Variants in LRP1B observed in about 807,000 individuals in gnomAD.
LRP1B encodes LDL receptor related protein 1B, also known as low-density lipoprotein receptor-related protein 1B.
Under a neutral mutation model 556.6 loss-of-function variants are expected in LRP1B, and 217 were observed. The ratio of observed to expected loss-of-function variants is 0.39; its 90% confidence interval spans 0.35 to 0.44. LRP1B has a LOEUF of 0.44. LRP1B is among the 20% of genes least tolerant of loss of function. The pLI is 1.00. For synonymous variants in LRP1B, 2,047 were observed against 1,865.8 expected (o/e 1.10, Z -2.50); for missense variants, 5,053 against 5,620.8 (o/e 0.90, Z 3.23).
At position 141,058,791 on chromosome 2, in the gene LRP1B, A is replaced by T. The variant is rs1348030835; in HGVS notation, c.1408+92T>A. The T allele has an allele frequency of 9.9e-6, 10 of 1,005,142 alleles. No homozygotes were observed. In the Admixed American group the frequency reaches 3.1e-4, roughly 31 times the overall value. 62.3% of individuals were successfully genotyped at this position (1,005,142 alleles called of 1,614,324 possible). A position where few individuals can be genotyped will look rare whatever the true frequency, so the allele number is the denominator to read the frequency against. ...TTGCTGTCAAAGCAGAGAATTTATG[A>T]CTCACTCACTTCAACACCATACAAA... is the stretch of plus-strand genomic sequence containing the variant. On this transcript the variant is annotated intron_variant, in intron 9 of 90. Transcript: ENST00000389484.
chr2:141,033,666 G>A (rs540923620), intron 11 of LRP1B, among the ~76,000 whole-genome samples: 78 of 152,132 alleles, frequency 5.1e-4, no homozygotes, highest in African/African-American at 1.5e-3. Flanking sequence ...GATGGAATTA[G>A]TGTCCTTCTA....
intron 2 of LRP1B, among the ~76,000 whole-genome samples, chr2:141,521,517 AT>A (rs147401022): frequency 8.6e-5 from 13 of 151,180 alleles, no homozygotes; most frequent in African/African-American, 2.7e-4. Context: ...CTTGGAAGTA[AT>A]TTTTTTTATT....
At chr2:140,410,577 T>A (rs2105246221) in intron 66 of LRP1B, among the ~76,000 whole-genome samples, 1 of 152,252 alleles carries the variant, frequency 6.6e-6, no homozygotes, top group East Asian at 1.9e-4. Context: ...TGAGCTGAAT[T>A]TAATATGAGA....
intron 2 of LRP1B, among the ~76,000 whole-genome samples, chr2:141,538,634 AC>A (rs1685142355): frequency 7.0e-6 from 1 of 142,362 alleles, no homozygotes; most frequent in Admixed American, 7.2e-5. Context: ...CCTGAAAAAA[AC>A]TTCTTTTTTT....
At chr2:141,361,379 G>C (rs1688820908) in intron 3 of LRP1B, among the ~76,000 whole-genome samples, 1 of 151,874 alleles carries the variant, frequency 6.6e-6, no homozygotes, top group African/African-American at 2.4e-5. Context: ...GTTCCTTATT[G>C]TTTCTTGCTT....
intron 52 of LRP1B, among the ~76,000 whole-genome samples, chr2:140,508,802 A>G (rs1462648500): frequency 6.6e-6 from 1 of 152,178 alleles, no homozygotes; most frequent in African/African-American, 2.4e-5. Flanking sequence ...CTTGTGGTAC[A>G]AACGTGTTAA....
intron 4 of LRP1B, among the ~76,000 whole-genome samples, chr2:141,252,535 G>C (rs1322757705): frequency 6.6e-6 from 1 of 152,080 alleles, no homozygotes; most frequent in African/African-American, 2.4e-5. Flanking sequence ...TGAAATTAAG[G>C]CTTGCATTTG....
chr2:140,523,053 T>C (rs1690251579), intron 49 of LRP1B, among the ~76,000 whole-genome samples: 1 of 151,864 alleles, frequency 6.6e-6, no homozygotes, highest in African/African-American at 2.4e-5. Context: ...ATCAGGATCA[T>C]CCTAATACCA....
At chr2:141,522,575 A>G (rs915064848) in intron 2 of LRP1B, among the ~76,000 whole-genome samples, 4 of 152,176 alleles carry the variant, frequency 2.6e-5, no homozygotes, top group African/African-American at 9.6e-5. Flanking sequence ...AACTGCTGAC[A>G]TTCAGAAAAG....
At chr2:141,265,456 A>G (rs988405396) in intron 3 of LRP1B, among the ~76,000 whole-genome samples, 1 of 152,182 alleles carries the variant, frequency 6.6e-6, no homozygotes, top group Non-Finnish European at 1.5e-5. Flanking sequence ...ATTCTGCGCT[A>G]GAACTGTACC....
chr2:141,134,992 G>A (rs1015248646), intron 7 of LRP1B, among the ~76,000 whole-genome samples: 3 of 151,702 alleles, frequency 2.0e-5, no homozygotes, highest in Non-Finnish European at 4.4e-5. Flanking sequence ...TAAAATACAA[G>A]TATTGTCACT....
chr2:141,899,491 C>A (rs777017381), intron 1 of LRP1B, among the ~76,000 whole-genome samples: 1 of 152,042 alleles, frequency 6.6e-6, no homozygotes, highest in Non-Finnish European at 1.5e-5. Context: ...GCAGAGCATG[C>A]GGCACTCTCT....
At chr2:141,254,381 G>T in intron 4 of LRP1B, 141 bp downstream of exon 4, 1 of 764,094 alleles carries the variant, frequency 1.3e-6, no homozygotes, top group Non-Finnish European at 2.1e-6. Context: ...TTTTGTTGGG[G>T]GGGCAACTTT....
chr2:142,030,362 A>G (rs886962708), intron 1 of LRP1B, among the ~76,000 whole-genome samples: 1 of 151,938 alleles, frequency 6.6e-6, no homozygotes, highest in East Asian at 1.9e-4. Context: ...GATGGTTGTA[A>G]TTTAAGTAAA....
intron 17 of LRP1B, among the ~76,000 whole-genome samples, chr2:140,984,088 T>C (rs998247237): frequency 6.6e-6 from 1 of 151,802 alleles, no homozygotes; most frequent in Non-Finnish European, 1.5e-5. Flanking sequence ...GAGAAGGATA[T>C]AGAAATATAC....
At chr2:141,406,407 G>A (rs1690636028) in intron 3 of LRP1B, among the ~76,000 whole-genome samples, 1 of 151,912 alleles carries the variant, frequency 6.6e-6, no homozygotes. Flanking sequence ...TCTCAGGCAA[G>A]GAACATAAGG....
chr2:141,889,379 CTCA>C (rs1285184285), intron 1 of LRP1B, among the ~76,000 whole-genome samples: 4 of 152,094 alleles, frequency 2.6e-5, no homozygotes, highest in African/African-American at 7.2e-5. Flanking sequence ...TATTTGCAAA[CTCA>C]TCATGTTTCT....
chr2:141,629,974 A>T (rs999568439), intron 2 of LRP1B, among the ~76,000 whole-genome samples: 3 of 152,160 alleles, frequency 2.0e-5, no homozygotes, highest in Non-Finnish European at 4.4e-5. Flanking sequence ...CAAGGCATTT[A>T]TAAGTTGGAT....
Position 140,760,189 on chromosome 2 carries a change from A to G in LRP1B, c.5758+9024T>C, listed in dbSNP as rs950792221. ...GAACACATCAGATAACAAATAGTAAACCAGGGGAACACATCAGAATCACCT... is the reference window on the plus strand; with the variant it reads ...GAACACATCAGATAACAAATAGTAAGCCAGGGGAACACATCAGAATCACCT... On this transcript the variant is annotated intron_variant, in intron 35 of 90. Transcript: ENST00000389484. Among the ~76,000 whole-genome samples, 77 of 152,146 alleles carry G rather than the reference A, an allele frequency of 5.1e-4. 2 individuals carry two copies. The highest frequency in any genetic ancestry group is 3.3e-4 in the Admixed American group (5 of 15,260).
Sources: gnomAD v4.1 joint callset for allele counts (sites outside exome capture counted in the v4.1 genomes callset) on GRCh38, gnomAD v4.1.1 for gene constraint, MANE v1.5 for transcripts, NCBI Gene and HGNC (gene_info 2026-07-23, HGNC 2026-07-21) for gene names.